Variants in YY1AP1 observed in about 807,000 individuals in gnomAD.
YY1AP1 encodes YY1-associated protein 1.
In YY1AP1, 43 loss-of-function variants were observed where a neutral mutation model predicts 39.9. The observed-to-expected ratio is 1.08, with a 90% CI of 0.84 to 1.39. The LOEUF is 1.39. Ranked by LOEUF, YY1AP1 falls within the 40% of genes most tolerant of loss-of-function variation. The pLI is 0.00. For synonymous variants in YY1AP1, 292 were observed against 331.3 expected (o/e 0.88, Z 1.29); for missense variants, 813 against 900.7 (o/e 0.90, Z 1.25).
intron 9 of YY1AP1, 129 bp from the exon 10 acceptor site, chr1:155,661,552 A>ACACAC: frequency 1.2e-5 from 11 of 926,242 alleles, no homozygotes; most frequent in African/African-American, 1.1e-4. Flanking sequence ...CACACACACA[A>ACACAC]GACCACATAC....
chr1:155,670,175 A>C, intron 8 of YY1AP1, 145 bp downstream of exon 8: 1 of 1,082,580 alleles, frequency 9.2e-7, no homozygotes. Context: ...CTGCTAGAAC[A>C]AGCACGTTCT....
At position 155,670,363 on chromosome 1, in the gene YY1AP1, T is replaced by C. The variant is rs753872008; in HGVS notation, c.685A>G (p.Lys229Glu). ...ELLPVCSLKA[K>E]NPQDKILFTK... is the part of the protein sequence containing the mutation. ...AAGAGGATCTTATCCTGGGGATTCT[T>C]TGCCTTCAGGGAACACACTGGAAGT... is the stretch of plus-strand genomic sequence containing the variant. The change falls in exon 8 of 11, where the codon AAG (lysine) becomes GAG (glutamate). Residue 229 changes from lysine to glutamate, a missense_variant. Physicochemically the swap from Lys to Glu is moderately conservative, Grantham distance 56. Around this residue, in one of 3 missense-constraint regions of YY1AP1, gnomAD observed 586 missense variants for 647.4 expected, o/e 0.91. Transcript: ENST00000355499. 6.2e-6 allele frequency: 10 copies of C among 1,613,130 alleles called. No homozygotes were observed. The South Asian group carries it at 8.8e-5, about 14-fold the overall frequency.
Position 155,666,596 on chromosome 1 carries a change from T to G in YY1AP1, c.879+2031A>C, listed in dbSNP as rs574861356. 2.0e-5 allele frequency among the ~76,000 whole-genome samples: 3 copies of G among 152,178 alleles called. No homozygotes were observed. The South Asian group carries it at 6.2e-4, about 32-fold the overall frequency. On this transcript the variant is annotated intron_variant, in intron 9 of 10. Transcript: ENST00000355499. ...TGGTTTATGGTTAATAAGTAAGGCCTAAATCCAATACACCAGGCAGTACCA... is the reference window on the plus strand; with the variant it reads ...TGGTTTATGGTTAATAAGTAAGGCCGAAATCCAATACACCAGGCAGTACCA...
intron 5 of YY1AP1, among the ~76,000 whole-genome samples, chr1:155,675,495 T>G (rs1304909225): frequency 6.6e-6 from 1 of 151,992 alleles, no homozygotes; most frequent in Non-Finnish European, 1.5e-5. Flanking sequence ...ACCCAGCTAA[T>G]TTTTTGTTTT....
At chr1:155,686,792 G>A (rs1314818046) in intron 2 of YY1AP1, among the ~76,000 whole-genome samples, 1 of 152,098 alleles carries the variant, frequency 6.6e-6, no homozygotes, top group Non-Finnish European at 1.5e-5. Context: ...ATACAGGTCA[G>A]ACTCGGCAAG....
rs1195677249 is a variant in YY1AP1, at chr1:155,688,736, C to T, written c.-229G>A. ...CCCTCCCCGCCCGCACGGCCACCAA[C>T]CGCCGCCAAAGCAGCCGCCGCCAGC... On this transcript the variant is annotated 5_prime_UTR_variant, in exon 1 of 11. Transcript: ENST00000355499. 2.6e-6 allele frequency: 4 copies of T among 1,517,146 alleles called. No homozygotes were observed. Among genetic ancestry groups the T allele is most frequent in the East Asian group, 2.4e-5 (1 of 40,848 alleles). The allele number at this position is 1,517,146 out of a possible 1,614,324, so 94.0% of individuals were successfully genotyped here.
At chr1:155,664,208 A>G (rs1648608279) in intron 9 of YY1AP1, among the ~76,000 whole-genome samples, 1 of 152,046 alleles carries the variant, frequency 6.6e-6, no homozygotes. Flanking sequence ...GGCCCTTAAA[A>G]GCTTCTTAAA....
At chr1:155,681,032 A>AT (rs751422152) in intron 2 of YY1AP1, among the ~76,000 whole-genome samples, 7,386 of 142,878 alleles carry the variant, frequency 0.052, 600 homozygotes, top group African/African-American at 0.17. Flanking sequence ...GAGCTAGATG[A>AT]TTTTTTTTTT....
intron 2 of YY1AP1, 97 bp downstream of exon 2, chr1:155,687,974 C>A: frequency 7.4e-7 from 1 of 1,348,396 alleles, no homozygotes; most frequent in Non-Finnish European, 1.0e-6. Context: ...TCCCAGAGGT[C>A]CAGGTCCGGG....
Position 155,660,608 on chromosome 1 carries a change from G to A in YY1AP1, c.1302C>T (p.Ala434=), listed in dbSNP as rs1279871263. Residue 434 remains alanine, a synonymous_variant, in exon 11 of 11, where the codon GCC becomes GCT. Coordinates refer to ENST00000355499, the MANE Select transcript of YY1AP1 (RefSeq NM_139119.3). ...GAGGGGCTTCTGAATGAGTTGATTG[G>A]GCTGGTGTTTTCCCAGGGTTGAAGC... The part of the protein sequence containing the change: ...QPSFNPGKTP[A]QSTHSEAPPS... 6.2e-7 allele frequency: 1 copy of A among 1,614,052 alleles called. No homozygotes were observed. Among genetic ancestry groups the A allele is most frequent in the East Asian group, 2.2e-5 (1 of 44,894 alleles).
At chr1:155,676,975 T>G (rs1179317239) in intron 4 of YY1AP1, among the ~76,000 whole-genome samples, 6 of 152,126 alleles carry the variant, frequency 3.9e-5, no homozygotes, top group African/African-American at 1.2e-4. Context: ...CTACAATTCC[T>G]CTTCCAAATA....
intron 2 of YY1AP1, among the ~76,000 whole-genome samples, chr1:155,684,236 G>A (rs1413823109): frequency 6.6e-6 from 1 of 152,028 alleles, no homozygotes; most frequent in East Asian, 1.9e-4. Context: ...CGAGGAGAGC[G>A]AAACTCTCTC....
intron 2 of YY1AP1, among the ~76,000 whole-genome samples, chr1:155,681,842 ATTTTTTTTT>A (rs57371049): frequency 7.3e-6 from 1 of 137,630 alleles, no homozygotes; most frequent in African/African-American, 2.6e-5. Context: ...TACATTGAGG[ATTTTTTTTT>A]TTTTTTTTTT....
intron 9 of YY1AP1, among the ~76,000 whole-genome samples, chr1:155,665,781 T>C (rs1472339639): frequency 9.3e-6 from 1 of 107,508 alleles, no homozygotes; most frequent in South Asian, 2.8e-4. Flanking sequence ...AGACTCTGTG[T>C]CTCAAAAAAA....
In YY1AP1 at chr1:155,660,851, T is replaced by C. The variant is rs1265399422; in HGVS notation, c.1059A>G (p.Gly353=). The C allele has an allele frequency of 5.6e-6, 9 of 1,614,098 alleles. No individual in the cohort carries two copies. The highest frequency in any genetic ancestry group is 1.7e-5 in the Admixed American group (1 of 60,000). ...RHMADGAREV[G]NMTGTTEINS... ...TGATCTCAGTGGTTCCAGTCATATTTCCTACCTCTCTAGCACCATCAGCCA... is the reference window on the plus strand; with the variant it reads ...TGATCTCAGTGGTTCCAGTCATATTCCCTACCTCTCTAGCACCATCAGCCA... Residue 353 remains glycine, a synonymous_variant, in exon 11 of 11, where the codon GGA becomes GGG. Coordinates refer to ENST00000355499, the MANE Select transcript of YY1AP1 (RefSeq NM_139119.3).
intron 1 of YY1AP1, 137 bp from the exon 2 acceptor site, chr1:155,688,338 AGCAGAGTGGCCGCG>A: frequency 1.9e-6 from 3 of 1,550,536 alleles, no homozygotes; most frequent in Non-Finnish European, 2.6e-6. Flanking sequence ...CAGCGGCGGC[AGCAGAGTGGCCGCG>A]GCAGCTCCTC....
At position 155,660,401 on chromosome 1, in the gene YY1AP1, G is replaced by C. The variant is rs1647879093; in HGVS notation, c.1509C>G (p.Leu503=). The change falls in exon 11 of 11, where the codon CTC becomes CTG. Residue 503 remains leucine (L), a synonymous_variant. Coordinates refer to ENST00000355499, the MANE Select transcript of YY1AP1 (RefSeq NM_139119.3). The stretch of plus-strand genomic sequence containing the variant: ...TTACCTTGGGCACAGGGGCAGAAGA[G>C]AGCAAAGTCTGGGACTCAGACAGAG... The part of the protein sequence containing the change: ...SFPLSESQTL[L]SSAPVPKVMM... The C allele has an allele frequency of 6.2e-7, 1 of 1,614,166 alleles. No homozygotes were observed. Among genetic ancestry groups the C allele is most frequent in the Non-Finnish European group, 8.5e-7 (1 of 1,180,026 alleles).
chr1:155,672,498 A>G (rs1037745150), intron 7 of YY1AP1, 62 bp downstream of exon 7: 2 of 1,604,554 alleles, frequency 1.2e-6, no homozygotes, highest in African/African-American at 2.7e-5. Context: ...TATCTATGGG[A>G]TAAGATTCCC....
chr1:155,661,904 C>T (rs1311640583), intron 9 of YY1AP1, among the ~76,000 whole-genome samples: 1 of 152,166 alleles, frequency 6.6e-6, no homozygotes, highest in African/African-American at 2.4e-5. Context: ...GATCCACCCG[C>T]CTCGGCCTCC....
Sources: allele counts gnomAD v4.1 joint callset (sites outside exome capture counted in the v4.1 genomes callset), GRCh38; gene constraint gnomAD v4.1.1; regional missense constraint gnomAD v4.1.1; transcripts MANE v1.5; gene names NCBI Gene and HGNC (gene_info 2026-07-23, HGNC 2026-07-21).